The following KCNH1 variants were observed in gnomAD, a reference collection of about 807,000 sequenced individuals.
KCNH1 encodes the protein voltage-gated delayed rectifier potassium channel KCNH1.
KCNH1 carries 27 observed loss-of-function variants against 69.2 expected under a neutral mutation model. That is an observed-to-expected ratio of 0.39 (90% CI 0.29 to 0.54). The LOEUF (loss-of-function observed/expected upper bound fraction) is 0.54. KCNH1 is among the 20% of genes least tolerant of loss of function. The probability of loss-of-function intolerance (pLI) is 0.68; values close to 1 mark genes in which losing one functional copy is unlikely to be tolerated. For missense variants in KCNH1, 798 were observed against 1,261.6 expected (o/e 0.63, Z 5.57); for synonymous variants, 456 against 487.7 (o/e 0.93, Z 0.86).
chr1:211,109,597 T>G lies in KCNH1; in HGVS notation c.80-2220A>C, dbSNP rs926674546. Among the ~76,000 whole-genome samples, 4 of 152,152 alleles carry G rather than the reference T, an allele frequency of 2.6e-5. No individual in the cohort carries two copies. In the East Asian group the frequency reaches 5.8e-4, roughly 22 times the overall value. ...GAGTGTGCTTTATCATGGCTAATGC[T>G]CCACTGAGATTATCTATGCGGAAAG... On this transcript the variant is annotated intron_variant, in intron 1 of 10. Transcript: ENST00000271751.
chr1:210,803,914 T>C, intron 8 of KCNH1, 53 bp downstream of exon 8: 1 of 1,537,466 alleles, frequency 6.5e-7, no homozygotes. Context: ...GCCTCAACCC[T>C]CCTAGGGAAA....
intron 6 of KCNH1, among the ~76,000 whole-genome samples, chr1:210,931,495 T>G (rs909642452): frequency 7.9e-5 from 12 of 151,922 alleles, no homozygotes; most frequent in African/African-American, 2.9e-4. Flanking sequence ...GAATGATACA[T>G]TGGACTTTGG....
intron 7 of KCNH1, among the ~76,000 whole-genome samples, chr1:210,889,302 A>G (rs71609319): frequency 6.6e-6 from 1 of 152,144 alleles, no homozygotes; most frequent in African/African-American, 2.4e-5. Context: ...AATGACAAAA[A>G]CCACATGATT....
chr1:210,886,977 G>T (rs1458806496), intron 7 of KCNH1, among the ~76,000 whole-genome samples: 1 of 152,074 alleles, frequency 6.6e-6, no homozygotes, highest in Admixed American at 6.6e-5. Context: ...CACTCTTCAG[G>T]ATATTATACA....
In KCNH1 at chr1:210,725,076, C is replaced by T. The variant is rs116743371; in HGVS notation, c.2113-40938G>A. 8.9e-3 allele frequency among the ~76,000 whole-genome samples: 1,351 copies of T among 152,290 alleles called. 14 individuals are homozygous for T. Among genetic ancestry groups the T allele is most frequent in the African/African-American group, 0.029 (1,193 of 41,556 alleles). ...AAGCTTGGCTAATCAGAACCATCAG[C>T]TTGTCACTGCCATTCAATTAACCCT... On this transcript the variant is annotated intron_variant, in intron 10 of 10. Transcript: ENST00000271751.
At chr1:210,782,865 C>T (rs1684015126) in intron 9 of KCNH1, among the ~76,000 whole-genome samples, 1 of 152,236 alleles carries the variant, frequency 6.6e-6, no homozygotes, top group Non-Finnish European at 1.5e-5. Flanking sequence ...ACCAAATCTG[C>T]TGGCACCTTG....
At chr1:210,859,587 C>A in intron 7 of KCNH1, 1 of 1,531,606 alleles carries the variant, frequency 6.5e-7, no homozygotes, top group East Asian at 2.3e-5. Context: ...CATCACTCCC[C>A]AGTTCCTCGG....
At chr1:211,097,504 CTA>C (rs1255876587) in intron 3 of KCNH1, among the ~76,000 whole-genome samples, 1 of 152,098 alleles carries the variant, frequency 6.6e-6, no homozygotes, top group African/African-American at 2.4e-5. Context: ...TTCAATATGT[CTA>C]TGATTTACAA....
intron 2 of KCNH1, among the ~76,000 whole-genome samples, chr1:211,106,478 T>C (rs1691348828): frequency 6.7e-6 from 1 of 149,744 alleles, no homozygotes; most frequent in South Asian, 2.2e-4. Flanking sequence ...TCTCATCTTT[T>C]TCTGAAGTAA....
Position 210,919,637 on chromosome 1 carries a change from T to TA in KCNH1, c.1462+2dup. 1 of 1,610,896 alleles carries TA rather than the reference T, an allele frequency of 6.2e-7. No homozygotes were observed. On this transcript the variant is annotated splice_region_variant and intron_variant, in intron 7 of 10. Transcript: ENST00000271751. The surrounding 1 kb of genome is among the most constrained non-coding windows in gnomAD (Gnocchi z 4.2). ...AACCCCACCCCAGCACTGTCATACT[T>TA]ACAGCCAATCATCATGATGGCCACT...
rs929874676 is a variant in KCNH1 at position 211,065,514 on chromosome 1, G to C, written c.558+17266C>G. 2.0e-5 allele frequency among the ~76,000 whole-genome samples: 3 copies of C among 152,074 alleles called. No homozygotes were observed. The East Asian group carries it at 5.8e-4, about 29-fold the overall frequency. On this transcript the variant is annotated intron_variant, in intron 5 of 10. Coordinates refer to ENST00000271751, the MANE Select transcript of KCNH1 (RefSeq NM_172362.3). Reference sequence around the variant, plus strand: ...AGGTTGGGGATGATGTTGGTCAAAGGATACAAAATTTCATTTAGATAGGAA... The same window carrying C: ...AGGTTGGGGATGATGTTGGTCAAAGCATACAAAATTTCATTTAGATAGGAA...
At chr1:210,867,330 TACACACACACAC>T (rs57696942) in intron 7 of KCNH1, among the ~76,000 whole-genome samples, 9 of 144,234 alleles carry the variant, frequency 6.2e-5, no homozygotes, top group East Asian at 4.1e-4. Context: ...TGTATATGTT[TACACACACACAC>T]ACACACACAC....
At chr1:210,997,863 T>C (rs1689083708) in intron 6 of KCNH1, among the ~76,000 whole-genome samples, 1 of 152,222 alleles carries the variant, frequency 6.6e-6, no homozygotes, top group Non-Finnish European at 1.5e-5. Flanking sequence ...ATATTCAACA[T>C]TCTTAAAGAA....
intron 10 of KCNH1, among the ~76,000 whole-genome samples, chr1:210,711,868 TGTGGCTCTCAGA>T (rs1476498176): frequency 6.6e-6 from 1 of 152,174 alleles, no homozygotes; most frequent in Non-Finnish European, 1.5e-5. Flanking sequence ...GTGGGGAACT[TGTGGCTCTCAGA>T]GGCTGGTTAG....
At chr1:210,696,087 C>A (rs957231471) in intron 10 of KCNH1, among the ~76,000 whole-genome samples, 4 of 152,242 alleles carry the variant, frequency 2.6e-5, no homozygotes, top group African/African-American at 9.6e-5. Context: ...TGTACCTGGG[C>A]AGTCAGGGTG....
chr1:210,817,703 C>T (rs1684847946), intron 7 of KCNH1, among the ~76,000 whole-genome samples: 1 of 152,144 alleles, frequency 6.6e-6, no homozygotes, highest in Non-Finnish European at 1.5e-5. Context: ...TAGGGACTAT[C>T]ATTAGTCTCA....
At chr1:211,123,432 G>C (rs995940629) in intron 1 of KCNH1, among the ~76,000 whole-genome samples, 2 of 152,184 alleles carry the variant, frequency 1.3e-5, no homozygotes, top group Non-Finnish European at 1.5e-5. Flanking sequence ...GCATCTATGA[G>C]GCCATTTGAA....
chr1:210,862,816 G>C (rs1209663239), intron 7 of KCNH1, among the ~76,000 whole-genome samples: 1 of 152,288 alleles, frequency 6.6e-6, no homozygotes, highest in African/African-American at 2.4e-5. Context: ...GGAAATGGAG[G>C]AAAGGCCCTT....
intron 7 of KCNH1, among the ~76,000 whole-genome samples, chr1:210,848,865 A>C (rs1685618525): frequency 6.6e-6 from 1 of 152,226 alleles, no homozygotes; most frequent in African/African-American, 2.4e-5. Flanking sequence ...CATGTGTGGC[A>C]GAGCACATTA....
Sources: gnomAD v4.1 joint callset for allele counts (sites outside exome capture counted in the v4.1 genomes callset) on GRCh38, gnomAD v4.1.1 for gene constraint, Gnocchi (gnomAD v3.1) non-coding constraint, MANE v1.5 for transcripts, NCBI Gene and HGNC (gene_info 2026-07-23, HGNC 2026-07-21) for gene names.